The following COP1 variants were observed in gnomAD, a reference collection of about 807,000 sequenced individuals.
COP1 encodes the protein COP1 E3 ubiquitin ligase.
COP1 carries 24 observed loss-of-function variants against 101.3 expected under a neutral mutation model. The observed-to-expected ratio is 0.24, with a 90% confidence interval of 0.17 to 0.33. COP1 has a LOEUF of 0.33. COP1 is among the 10% of genes least tolerant of loss of function. COP1 has a pLI of 1.00. For synonymous variants in COP1, 347 were observed against 341.9 expected, an observed-to-expected ratio of 1.01 and a Z score of -0.17; for missense variants, 663 against 906.2, an observed-to-expected ratio of 0.73 and a Z score of 3.45.
chr1:175,962,443 C>T (rs964290121), intron 18 of COP1, among the ~76,000 whole-genome samples: 5 of 152,116 alleles, frequency 3.3e-5, no homozygotes, highest in African/African-American at 4.8e-5. Flanking sequence ...TTCATCACTC[C>T]TAGAAGCTCA....
intron 2 of COP1, among the ~76,000 whole-genome samples, chr1:176,178,499 A>C (rs974097548): frequency 2.4e-4 from 36 of 151,896 alleles, no homozygotes; most frequent in Non-Finnish European, 7.4e-5. Context: ...TCAAAAAAAC[A>C]AAAAATCAGC....
At chr1:176,171,051 G>A (rs559345646) in intron 3 of COP1, among the ~76,000 whole-genome samples, 2 of 141,756 alleles carry the variant, frequency 1.4e-5, no homozygotes, top group African/African-American at 5.3e-5. Flanking sequence ...CATGATCCCA[G>A]CAGGTGGAGC....
intron 15 of COP1, among the ~76,000 whole-genome samples, chr1:176,022,509 C>T (rs59801736): frequency 0.066 from 10,031 of 152,168 alleles, 411 homozygotes; most frequent in Middle Eastern, 0.12. Flanking sequence ...CTAAACAATA[C>T]AGCTAAAGAA....
intron 1 of COP1, among the ~76,000 whole-genome samples, chr1:176,195,999 T>C (rs1699644634): frequency 6.6e-6 from 1 of 152,204 alleles, no homozygotes; most frequent in Admixed American, 6.5e-5. Context: ...AACCTGTGCA[T>C]GTACAGGTAA....
intron 10 of COP1, 54 bp from the exon 11 acceptor site, chr1:176,081,341 A>G: frequency 7.2e-7 from 1 of 1,394,596 alleles, no homozygotes; most frequent in Non-Finnish European, 9.7e-7. Context: ...CTGCAAAGTA[A>G]GTCAAAGAGC....
chr1:176,114,453 G>T (rs1685837185), intron 9 of COP1, among the ~76,000 whole-genome samples: 1 of 152,062 alleles, frequency 6.6e-6, no homozygotes, highest in African/African-American at 2.4e-5. Flanking sequence ...AATCCAAAAG[G>T]ATTTATTGTT....
At chr1:176,000,263 C>T (rs568801337) in intron 15 of COP1, among the ~76,000 whole-genome samples, 2 of 151,994 alleles carry the variant, frequency 1.3e-5, no homozygotes, top group Non-Finnish European at 2.9e-5. Flanking sequence ...TCCATTGTGA[C>T]TTGATTTTCA....
chr1:176,163,628 G>A (rs1363148642), intron 4 of COP1, among the ~76,000 whole-genome samples, 187 bp downstream of exon 4: 1 of 152,084 alleles, frequency 6.6e-6, no homozygotes, highest in East Asian at 1.9e-4. Context: ...TTCAAAATAG[G>A]ATCACTCTAG....
At chr1:176,148,874 A>T in intron 6 of COP1, 132 bp downstream of exon 6, 1 of 579,144 alleles carries the variant, frequency 1.7e-6, no homozygotes, top group Admixed American at 3.6e-5. Flanking sequence ...ACAAATCTTA[A>T]GGAAACCTCC....
intron 15 of COP1, among the ~76,000 whole-genome samples, chr1:176,004,824 G>A (rs1416596006): frequency 1.3e-5 from 2 of 151,134 alleles, no homozygotes; most frequent in Non-Finnish European, 3.0e-5. Flanking sequence ...TTTTTTGGTT[G>A]TGTCTCTGCC....
chr1:176,140,635 C>A (rs542791345), intron 6 of COP1, among the ~76,000 whole-genome samples: 3 of 151,928 alleles, frequency 2.0e-5, no homozygotes, highest in Non-Finnish European at 2.9e-5. Context: ...AACATAACCC[C>A]GGGAAGGAGA....
At chr1:176,077,572 T>C (rs1057290703) in intron 11 of COP1, among the ~76,000 whole-genome samples, 1 of 152,146 alleles carries the variant, frequency 6.6e-6, no homozygotes, top group Admixed American at 6.5e-5. Context: ...GCTGAAACCA[T>C]TCCCTTTGAC....
chr1:176,198,129 GA>G (rs1699895186), intron 1 of COP1, among the ~76,000 whole-genome samples: 1 of 152,046 alleles, frequency 6.6e-6, no homozygotes, highest in South Asian at 2.1e-4. Flanking sequence ...CTTTTTTATA[GA>G]AATTGGCACG....
At chr1:176,091,943 TACTA>T (rs1158743220) in intron 9 of COP1, among the ~76,000 whole-genome samples, 10 of 151,938 alleles carry the variant, frequency 6.6e-5, no homozygotes, top group Non-Finnish European at 1.2e-4. Context: ...CATGAAAGAA[TACTA>T]ACTAAAAGAG....
chr1:176,078,715 G>A (rs545947429), intron 11 of COP1, among the ~76,000 whole-genome samples: 26 of 151,732 alleles, frequency 1.7e-4, no homozygotes, highest in Non-Finnish European at 3.4e-4. Context: ...GACAGCCTAG[G>A]GAATGGGTGA....
intron 11 of COP1, among the ~76,000 whole-genome samples, chr1:176,076,003 C>CAAAAAA (rs60998287): frequency 3.3e-4 from 32 of 96,518 alleles, no homozygotes; most frequent in Non-Finnish European, 4.2e-4. Flanking sequence ...AACTCCATCT[C>CAAAAAA]AAAAAAAAAA....
At chr1:176,103,231 C>G (rs1024178589) in intron 9 of COP1, among the ~76,000 whole-genome samples, 2 of 152,142 alleles carry the variant, frequency 1.3e-5, no homozygotes, top group Non-Finnish European at 2.9e-5. Context: ...TTTGATCATA[C>G]CTGAATTTAG....
intron 18 of COP1, among the ~76,000 whole-genome samples, chr1:175,952,056 T>A (rs1649998533): frequency 6.6e-6 from 1 of 152,062 alleles, no homozygotes; most frequent in African/African-American, 2.4e-5. Flanking sequence ...ACACATTACA[T>A]AAAGAGAAAG....
chr1:175,999,972 C>T (rs1250051388), intron 15 of COP1, among the ~76,000 whole-genome samples: 1 of 151,864 alleles, frequency 6.6e-6, no homozygotes, highest in African/African-American at 2.4e-5. Context: ...TTTTTCCCTA[C>T]AAAATTGTCT....
Sources: gnomAD v4.1 joint callset for allele counts (sites outside exome capture counted in the v4.1 genomes callset) on GRCh38, gnomAD v4.1.1 for gene constraint, MANE v1.5 for transcripts, NCBI Gene and HGNC (gene_info 2026-07-23, HGNC 2026-07-21) for gene names.